ZNF549: variants seen among roughly 807,000 people sequenced by gnomAD.
The protein encoded by ZNF549 is zinc finger protein 549.
A neutral mutation model predicts 11.1 loss-of-function variants in ZNF549; 11 were observed. That is an observed-to-expected ratio of 0.99 (90% confidence interval 0.62 to 1.64). The LOEUF is 1.64. Among genes scored for constraint, ZNF549 ranks in the 40% most tolerant of loss-of-function variants. ZNF549 has a pLI of 0.00. For missense variants in ZNF549, 748 were observed against 765.1 expected, an observed-to-expected ratio of 0.98 and a Z score of 0.26; for synonymous variants, 266 against 269.1, an observed-to-expected ratio of 0.99 and a Z score of 0.11.
Position 57,538,139 on chromosome 19 carries a change from C to T in ZNF549, c.1135C>T (p.His379Tyr), listed in dbSNP as rs1568590859. ...SFIHSYDRIR[H>Y]QRVHTGEGAY... The stretch of plus-strand genomic sequence containing the variant: ...TATTCATTCCTATGACCGCATTCGA[C>T]ACCAGAGAGTTCACACTGGAGAAGG... The change falls in exon 4 of 4, where the codon CAC (histidine) becomes TAC (tyrosine). Residue 379 changes from histidine to tyrosine, a missense_variant. His to Tyr is a moderately conservative substitution (Grantham distance 83, BLOSUM62 2). Coordinates refer to ENST00000376233, the MANE Select transcript of ZNF549 (RefSeq NM_001199295.2). 3.7e-6 allele frequency: 6 copies of T among 1,614,232 alleles called. No homozygotes were observed. Among genetic ancestry groups the T allele is most frequent in the Non-Finnish European group, 3.4e-6 (4 of 1,180,038 alleles).
rs756942482 is a variant in ZNF549 at position 57,538,678 on chromosome 19, G to A, written c.1674G>A (p.Glu558=). ...TTCACACTGGCGAAAAGCCCTGTGA[G>A]TGCAGTGAATGTGGGAAATGCTTTA... is the stretch of plus-strand genomic sequence containing the variant. ...QKVHTGEKPC[E]CSECGKCFRH... Residue 558 remains glutamate (E), a synonymous_variant, in exon 4 of 4, where the codon GAG becomes GAA. Coordinates refer to ENST00000376233, the MANE Select transcript of ZNF549 (RefSeq NM_001199295.2). 476 of 1,614,110 alleles carry A rather than the reference G, an allele frequency of 2.9e-4. 1 individual carries two copies. The highest frequency in any genetic ancestry group is 3.9e-4 in the Non-Finnish European group (455 of 1,180,030).
In ZNF549 at chr19:57,539,857, G is replaced by T. The variant is rs1311321169; in HGVS notation, c.*930G>T. ...CAGTAATTGGCCCAGACAGGTAGGT[G>T]TGATAAACAGAGTAGAAAAGATTGT... On this transcript the variant is annotated 3_prime_UTR_variant, in exon 4 of 4. Coordinates refer to ENST00000376233, the MANE Select transcript of ZNF549 (RefSeq NM_001199295.2). 6.6e-6 allele frequency: 1 copy of T among 152,230 alleles called. No homozygotes were observed. The highest frequency in any genetic ancestry group is 1.5e-5 in the Non-Finnish European group (1 of 68,054). The allele number at this position is 152,230 out of a possible 1,614,324, so 9.4% of individuals were successfully genotyped here. A position where few individuals can be genotyped will look rare whatever the true frequency, so the allele number is the denominator to read the frequency against.
intron 2 of ZNF549, among the ~76,000 whole-genome samples, chr19:57,534,721 G>C (rs939543830): frequency 6.6e-6 from 1 of 152,154 alleles, no homozygotes; most frequent in Non-Finnish European, 1.5e-5. Context: ...GGTGGTGCTG[G>C]ATCCTTGTTG....
At chr19:57,536,937 T>TA (rs888627202) in intron 3 of ZNF549, among the ~76,000 whole-genome samples, 7 of 151,464 alleles carry the variant, frequency 4.6e-5, no homozygotes, top group African/African-American at 1.5e-4. Context: ...CAAGAAATTC[T>TA]AAAAAAAAAT....
intron 2 of ZNF549, 130 bp downstream of exon 2, chr19:57,531,238 G>A (rs1338131080): frequency 1.2e-6 from 1 of 855,348 alleles, no homozygotes; most frequent in Non-Finnish European, 1.8e-6. Context: ...GGCCACCTCA[G>A]GCCCAGGATG....
chr19:57,529,385 C>A (rs116322492), intron 1 of ZNF549, among the ~76,000 whole-genome samples: 4 of 152,048 alleles, frequency 2.6e-5, no homozygotes, highest in African/African-American at 9.6e-5. Context: ...AGGAGATGAA[C>A]AATAATAACT....
At position 57,529,562 on chromosome 19, in the gene ZNF549, G is replaced by C. The variant is rs143354279; in HGVS notation, c.34-1508G>C. ...TTGTGATGAAGAAGGGACTAAACTC[G>C]ATAGAGTGAGATTTCCTCACACTAC... On this transcript the variant is annotated intron_variant, in intron 1 of 3. Coordinates refer to ENST00000376233, the MANE Select transcript of ZNF549 (RefSeq NM_001199295.2). Among the ~76,000 whole-genome samples, 367 of 152,304 alleles carry C rather than the reference G, an allele frequency of 2.4e-3. 2 individuals are homozygous for C. Among genetic ancestry groups the C allele is most frequent in the African/African-American group, 8.6e-3 (359 of 41,566 alleles).
In ZNF549 at chr19:57,539,287, C is replaced by T. The variant is rs1314734202; in HGVS notation, c.*360C>T. On this transcript the variant is annotated 3_prime_UTR_variant, in exon 4 of 4. Coordinates refer to ENST00000376233, the MANE Select transcript of ZNF549 (RefSeq NM_001199295.2). ...TGTTCGAGGCAAAGACAAAACCCAA[C>T]TTTGACCAAGAAGAGCAATCTGGAT... 1.1e-5 allele frequency: 2 copies of T among 174,714 alleles called. No homozygotes were observed. Among genetic ancestry groups the T allele is most frequent in the African/African-American group, 4.8e-5 (2 of 42,030 alleles). 10.8% of individuals were successfully genotyped at this position (174,714 alleles called of 1,614,324 possible).
chr19:57,535,975 G>A (rs1406477454), intron 3 of ZNF549, among the ~76,000 whole-genome samples: 1 of 152,078 alleles, frequency 6.6e-6, no homozygotes, highest in Non-Finnish European at 1.5e-5. Flanking sequence ...ATCATACCAG[G>A]CAAATGTCCT....
At chr19:57,535,690 T>TC (rs1243509094) in intron 3 of ZNF549, among the ~76,000 whole-genome samples, 9 of 152,260 alleles carry the variant, frequency 5.9e-5, no homozygotes, top group African/African-American at 2.2e-4. Flanking sequence ...CAAGACCCCC[T>TC]CCCAAGGGTT....
chr19:57,540,844 TCA>T lies in ZNF549; in HGVS notation c.*1918_*1919del, dbSNP rs778844846. 1 of 152,242 alleles carries T rather than the reference TCA, an allele frequency of 6.6e-6. No homozygotes were observed. Among genetic ancestry groups the T allele is most frequent in the Non-Finnish European group, 1.5e-5 (1 of 68,042 alleles). The allele number at this position is 152,242 out of a possible 1,614,324, so 9.4% of individuals were successfully genotyped here. A position where few individuals can be genotyped will look rare whatever the true frequency, so the allele number is the denominator to read the frequency against. ...TGTGTTTTCATTCACCTTATTTCAT[TCA>T]GTCTTCCAAATGAAATGTTCTTAAT... On this transcript the variant is annotated 3_prime_UTR_variant, in exon 4 of 4. Coordinates refer to ENST00000376233, the MANE Select transcript of ZNF549 (RefSeq NM_001199295.2).
At position 57,537,505 on chromosome 19, in the gene ZNF549, C is replaced by T; in HGVS notation, c.501C>T (p.Ala167=). Residue 167 remains alanine (A), a synonymous_variant, in exon 4 of 4, where the codon GCC becomes GCT. Coordinates refer to ENST00000376233, the MANE Select transcript of ZNF549 (RefSeq NM_001199295.2). ...ACATCAGAAAGGAGGAGAGCAGTGC[C>T]TTGCTTCTGAATAGCTGCAAAATTC... ...EKHIRKEESS[A]LLLNSCKIPL... The T allele has an allele frequency of 6.2e-7, 1 of 1,614,198 alleles. No individual in the cohort carries two copies. The highest frequency in any genetic ancestry group is 1.1e-5 in the South Asian group (1 of 91,082).
Position 57,535,265 on chromosome 19 carries a change from C to T in ZNF549, c.194C>T (p.Ser65Leu). 1 of 1,613,716 alleles carries T rather than the reference C, an allele frequency of 6.2e-7. No individual in the cohort carries two copies. Among genetic ancestry groups the T allele is most frequent in the Non-Finnish European group, 8.5e-7 (1 of 1,179,698 alleles). ...CTGGAGAACTTTTCGCTTATGGCCTCAGTAGGTAAGATCTCTTAAAACCAC... is the reference window on the plus strand; with the variant it reads ...CTGGAGAACTTTTCGCTTATGGCCTTAGTAGGTAAGATCTCTTAAAACCAC... ...VMLENFSLMA[S>L]VGCLHGIEAE... The change falls in exon 3 of 4, where the codon TCA (serine) becomes TTA (leucine). Residue 65 changes from serine (S) to leucine (L), a missense_variant. By Grantham distance (145) the Ser-to-Leu change is moderately radical. Transcript: ENST00000376233.
In ZNF549 at chr19:57,538,497, A is replaced by T; in HGVS notation, c.1493A>T (p.Glu498Val). The stretch of plus-strand genomic sequence containing the variant: ...AAGCATCACAAAATCCACACTAGAG[A>T]AAGGCCTTATGAATGCAGTGAATGT... Reference protein sequence around the residue: ...LLKHHKIHTRERPYECSECGK... With the variant: ...LLKHHKIHTRVRPYECSECGK... Residue 498 changes from glutamate to valine, a missense_variant, in exon 4 of 4, where the codon GAA becomes GTA. By Grantham distance (121) the Glu-to-Val change is moderately radical. Coordinates refer to ENST00000376233, the MANE Select transcript of ZNF549 (RefSeq NM_001199295.2). 1 of 1,614,114 alleles carries T rather than the reference A, an allele frequency of 6.2e-7. No homozygotes were observed. The highest frequency in any genetic ancestry group is 8.5e-7 in the Non-Finnish European group (1 of 1,179,948).
At position 57,540,059 on chromosome 19, in the gene ZNF549, G is replaced by T. The variant is rs964226109; in HGVS notation, c.*1132G>T. 1 of 152,198 alleles carries T rather than the reference G, an allele frequency of 6.6e-6. No homozygotes were observed. Among genetic ancestry groups the T allele is most frequent in the South Asian group, 2.1e-4 (1 of 4,828 alleles). The allele number at this position is 152,198 out of a possible 1,614,324, so 9.4% of individuals were successfully genotyped here. On this transcript the variant is annotated 3_prime_UTR_variant, in exon 4 of 4. Coordinates refer to ENST00000376233, the MANE Select transcript of ZNF549 (RefSeq NM_001199295.2). The stretch of plus-strand genomic sequence containing the variant: ...AAGATTTTGTGGACTCATAACTTAT[G>T]TACTGTTTTTGAGATGATTGCTGCA...
At chr19:57,529,084 C>G (rs1443390662) in intron 1 of ZNF549, among the ~76,000 whole-genome samples, 1 of 152,170 alleles carries the variant, frequency 6.6e-6, no homozygotes, top group Non-Finnish European at 1.5e-5. Context: ...ACTGCATTTT[C>G]TAAGTTTATA....
chr19:57,527,520 C>T lies in ZNF549; in HGVS notation c.-54C>T. On this transcript the variant is annotated 5_prime_UTR_variant, in exon 1 of 4. Coordinates refer to ENST00000376233, the MANE Select transcript of ZNF549 (RefSeq NM_001199295.2). ...CAGCGATTTGCCACCGCACGCACGC[C>T]GGATCCCGGGCTTTACCGCCCGCCT... is the stretch of plus-strand genomic sequence containing the variant. 1 of 1,610,814 alleles carries T rather than the reference C, an allele frequency of 6.2e-7. No homozygotes were observed.
In ZNF549 at chr19:57,540,516, T is replaced by G. The variant is rs1821142530; in HGVS notation, c.*1589T>G. 1 of 152,186 alleles carries G rather than the reference T, an allele frequency of 6.6e-6. No homozygotes were observed. The highest frequency in any genetic ancestry group is 1.5e-5 in the Non-Finnish European group (1 of 68,062). The allele number at this position is 152,186 out of a possible 1,614,324, so 9.4% of individuals were successfully genotyped here. ...GGCTCATGCCTGTAATCCCAGCACT[T>G]TGGGAGGCCAAGGCAGGTGGATCAC... On this transcript the variant is annotated 3_prime_UTR_variant, in exon 4 of 4. Transcript: ENST00000376233.
chr19:57,538,426 A>T lies in ZNF549; in HGVS notation c.1422A>T (p.Glu474Asp). ...QRIHTGERAY[E>D]CSDCGKAFIS... Reference sequence around the variant, plus strand: ...TTCACACTGGAGAAAGGGCTTATGAATGCAGTGACTGTGGGAAAGCCTTCA... The same window carrying T: ...TTCACACTGGAGAAAGGGCTTATGATTGCAGTGACTGTGGGAAAGCCTTCA... Residue 474 changes from glutamate (E) to aspartate (D), a missense_variant, in exon 4 of 4, where the codon GAA becomes GAT. Glu to Asp is a conservative substitution (Grantham distance 45, BLOSUM62 2). Transcript: ENST00000376233. 1 of 1,614,148 alleles carries T rather than the reference A, an allele frequency of 6.2e-7. No homozygotes were observed. Among genetic ancestry groups the T allele is most frequent in the East Asian group, 2.2e-5 (1 of 44,878 alleles).
Sources: allele counts gnomAD v4.1 joint callset (sites outside exome capture counted in the v4.1 genomes callset), GRCh38; gene constraint gnomAD v4.1.1; transcripts MANE v1.5; gene names NCBI Gene and HGNC (gene_info 2026-07-23, HGNC 2026-07-21).